The following ARHGAP15 variants were observed in gnomAD, a reference collection of about 807,000 sequenced individuals.
The protein encoded by ARHGAP15 is Rho GTPase activating protein 15.
ARHGAP15 carries 51 observed loss-of-function variants against 63.7 expected under a neutral mutation model. That is an observed-to-expected ratio of 0.80 (90% confidence interval 0.64 to 1.01). The LOEUF is 1.01. Ranked by LOEUF, ARHGAP15 falls within the 50% of genes least tolerant of loss-of-function variation. The pLI, the probability that ARHGAP15 is intolerant of heterozygous loss-of-function variation, is 0.00. For synonymous variants in ARHGAP15, 191 were observed against 193.8 expected (o/e 0.99, Z 0.12); for missense variants, 560 against 564.6 (o/e 0.99, Z 0.08).
At chr2:143,267,021 A>G (rs1265576082) in intron 6 of ARHGAP15, among the ~76,000 whole-genome samples, 1 of 152,178 alleles carries the variant, frequency 6.6e-6, no homozygotes, top group African/African-American at 2.4e-5. Context: ...TAAAGCTCTT[A>G]CCTGAAAGTG....
At chr2:143,578,281 A>AAC (rs1316145159) in intron 11 of ARHGAP15, among the ~76,000 whole-genome samples, 3 of 109,210 alleles carry the variant, frequency 2.7e-5, no homozygotes, top group African/African-American at 5.3e-5. Context: ...CAACATTGAA[A>AAC]AGAAAAAAAA....
chr2:143,614,515 G>A (rs1263437557), intron 11 of ARHGAP15, among the ~76,000 whole-genome samples: 1 of 152,102 alleles, frequency 6.6e-6, no homozygotes, highest in African/African-American at 2.4e-5. Flanking sequence ...CAAAAATAAT[G>A]CTGTGTGTGT....
chr2:143,536,997 A>C (rs1207536498), intron 10 of ARHGAP15, among the ~76,000 whole-genome samples: 1 of 152,064 alleles, frequency 6.6e-6, no homozygotes, highest in African/African-American at 2.4e-5. Context: ...CCAACAGTGT[A>C]AAAGTGTTCC....
chr2:143,657,342 G>A (rs1281112631), intron 12 of ARHGAP15, among the ~76,000 whole-genome samples: 1 of 152,096 alleles, frequency 6.6e-6, no homozygotes, highest in Non-Finnish European at 1.5e-5. Flanking sequence ...GTGAGGCTCC[G>A]CATCTTAAAA....
At chr2:143,561,604 C>T (rs1293501202) in intron 11 of ARHGAP15, among the ~76,000 whole-genome samples, 2 of 149,778 alleles carry the variant, frequency 1.3e-5, no homozygotes, top group Non-Finnish European at 1.5e-5. Flanking sequence ...CAACCTCCAC[C>T]TCCCGGGTTC....
intron 8 of ARHGAP15, among the ~76,000 whole-genome samples, chr2:143,479,236 C>G (rs535395657): frequency 9.3e-4 from 141 of 152,260 alleles, no homozygotes; most frequent in African/African-American, 3.1e-3. Context: ...GTTTTATTCT[C>G]CAACTTGACT....
At chr2:143,335,436 A>G (rs565264198) in intron 6 of ARHGAP15, among the ~76,000 whole-genome samples, 5 of 150,896 alleles carry the variant, frequency 3.3e-5, no homozygotes, top group African/African-American at 1.2e-4. Context: ...TAATCAGCTA[A>G]AGGGTGTCTG....
rs1326013119 is a variant in ARHGAP15, at chr2:143,664,629, G to T, written c.1139-38790G>T. Among the ~76,000 whole-genome samples, 10 of 151,620 alleles carry T rather than the reference G, an allele frequency of 6.6e-5. No individual in the cohort carries two copies. The South Asian group carries it at 8.3e-4, about 13-fold the overall frequency. On this transcript the variant is annotated intron_variant, in intron 12 of 13. Coordinates refer to ENST00000295095, the MANE Select transcript of ARHGAP15 (RefSeq NM_018460.4). ...CTTCAAAAAATTAATGAATCCAGGA[G>T]CTGGTTTTTTGAAAGGATCAACAAA...
intron 6 of ARHGAP15, among the ~76,000 whole-genome samples, chr2:143,338,666 T>G (rs1441965192): frequency 1.3e-5 from 2 of 152,138 alleles, no homozygotes; most frequent in African/African-American, 2.4e-5. Context: ...AGCTTTTTCT[T>G]GCAAACTCTT....
intron 10 of ARHGAP15, among the ~76,000 whole-genome samples, chr2:143,554,691 G>C (rs6711290): frequency 6.6e-6 from 1 of 152,058 alleles, no homozygotes; most frequent in Admixed American, 6.6e-5. Context: ...CTGGGTGTAA[G>C]TGCATGAACT....
intron 12 of ARHGAP15, among the ~76,000 whole-genome samples, chr2:143,667,261 T>A (rs1682255236): frequency 6.7e-6 from 1 of 150,162 alleles, no homozygotes; most frequent in Non-Finnish European, 1.5e-5. Flanking sequence ...TGAGTTCATG[T>A]GGTTTGTAGG....
At chr2:143,670,909 C>A (rs1450968170) in intron 12 of ARHGAP15, among the ~76,000 whole-genome samples, 1 of 152,164 alleles carries the variant, frequency 6.6e-6, no homozygotes, top group East Asian at 1.9e-4. Flanking sequence ...TGAGGCTAAA[C>A]AGCAGGCCAA....
At chr2:143,724,860 T>G (rs1166335592) in intron 13 of ARHGAP15, among the ~76,000 whole-genome samples, 3 of 152,156 alleles carry the variant, frequency 2.0e-5, no homozygotes, top group Non-Finnish European at 2.9e-5. Context: ...CATCATCAAA[T>G]AGTAATACAC....
chr2:143,434,923 C>CA (rs1330275590), intron 6 of ARHGAP15, among the ~76,000 whole-genome samples: 1 of 152,066 alleles, frequency 6.6e-6, no homozygotes, highest in East Asian at 1.9e-4. Flanking sequence ...TAAATATTGC[C>CA]AACTACTTAG....
chr2:143,222,641 A>G (rs1436976474), intron 4 of ARHGAP15, among the ~76,000 whole-genome samples: 3 of 152,146 alleles, frequency 2.0e-5, no homozygotes, highest in Non-Finnish European at 4.4e-5. Flanking sequence ...TAGAATGCCA[A>G]GCTGATGGCT....
intron 8 of ARHGAP15, 55 bp downstream of exon 8, chr2:143,437,097 G>T: frequency 6.5e-7 from 1 of 1,537,056 alleles, no homozygotes; most frequent in Non-Finnish European, 8.8e-7. Context: ...CAGTGCTTAT[G>T]AAATATAAAT....
chr2:143,467,447 T>C (rs2105176177), intron 8 of ARHGAP15, among the ~76,000 whole-genome samples: 2 of 152,118 alleles, frequency 1.3e-5, no homozygotes, highest in Middle Eastern at 6.8e-3. Context: ...AATGCATTGA[T>C]CACAAATGTA....
chr2:143,367,870 G>A (rs1162923559), intron 6 of ARHGAP15, among the ~76,000 whole-genome samples: 1 of 151,574 alleles, frequency 6.6e-6, no homozygotes, highest in African/African-American at 2.4e-5. Context: ...CATACTATAG[G>A]GCTTAACTAA....
chr2:143,748,812 T>C (rs965198198), intron 13 of ARHGAP15, among the ~76,000 whole-genome samples: 1 of 152,186 alleles, frequency 6.6e-6, no homozygotes, highest in African/African-American at 2.4e-5. Flanking sequence ...CTGCTGCATA[T>C]ACCATAGTTT....
Sources: gnomAD v4.1 joint callset for allele counts (sites outside exome capture counted in the v4.1 genomes callset) on GRCh38, gnomAD v4.1.1 for gene constraint, MANE v1.5 for transcripts, NCBI Gene and HGNC (gene_info 2026-07-23, HGNC 2026-07-21) for gene names.